FIP1L1: variants seen among roughly 807,000 people sequenced by gnomAD.
FIP1L1 encodes pre-mRNA 3'-end-processing factor FIP1.
A neutral mutation model predicts 84.6 loss-of-function variants in FIP1L1; 21 were observed. The ratio of observed to expected loss-of-function variants is 0.25; its 90% CI spans 0.18 to 0.36. FIP1L1 has a LOEUF of 0.36. Among genes scored for constraint, FIP1L1 ranks in the 10% least tolerant of loss-of-function variants. The pLI is 1.00. For synonymous variants in FIP1L1, 263 were observed against 242.3 expected, an observed-to-expected ratio of 1.09 and a Z score of -0.80; for missense variants, 526 against 751.1, an observed-to-expected ratio of 0.70 and a Z score of 3.50.
intron 10 of FIP1L1, among the ~76,000 whole-genome samples, chr4:53,412,259 C>T (rs751377053): frequency 1.3e-5 from 2 of 152,040 alleles, no homozygotes; most frequent in African/African-American, 2.4e-5. Context: ...TTCCTCAGAA[C>T]GAGGACATTC....
intron 10 of FIP1L1, among the ~76,000 whole-genome samples, chr4:53,405,563 A>T (rs1318646617): frequency 7.4e-5 from 11 of 148,880 alleles, no homozygotes; most frequent in African/African-American, 1.5e-4. Context: ...TGGTAGCTTG[A>T]TGGGGATGGC....
chr4:53,445,996 C>T (rs1406734804), intron 15 of FIP1L1, among the ~76,000 whole-genome samples: 4 of 151,974 alleles, frequency 2.6e-5, no homozygotes, highest in African/African-American at 7.3e-5. Context: ...GAATAGACTC[C>T]GAAGGATTTA....
rs899361798 is a variant in FIP1L1, at chr4:53,459,708, A to C, written c.*259A>C. 7.5e-5 allele frequency: 37 copies of C among 493,764 alleles called. No homozygotes were observed. The highest frequency in any genetic ancestry group is 5.8e-4 in the African/African-American group (30 of 51,700). 30.6% of individuals were successfully genotyped at this position (493,764 alleles called of 1,614,324 possible). On this transcript the variant is annotated 3_prime_UTR_variant, in exon 18 of 18. Transcript: ENST00000337488. ...ATGTGAATGAGTCACTTAACAGGGA[A>C]TCTAAAGAGCTGTGTTAGCTGTGTA...
At chr4:53,417,080 T>C (rs1759816482) in intron 11 of FIP1L1, among the ~76,000 whole-genome samples, 1 of 152,352 alleles carries the variant, frequency 6.6e-6, no homozygotes, top group South Asian at 2.1e-4. Flanking sequence ...TTAGAAGTTT[T>C]TATTTAAAAT....
At chr4:53,388,005 A>T (rs569078009) in intron 5 of FIP1L1, among the ~76,000 whole-genome samples, 1 of 152,368 alleles carries the variant, frequency 6.6e-6, no homozygotes, top group Non-Finnish European at 1.5e-5. Flanking sequence ...GTTGGTGACG[A>T]TAGTACTGCT....
Position 53,453,011 on chromosome 4 carries a change from A to G in FIP1L1, c.1377A>G (p.Lys459=). Residue 459 remains lysine, a synonymous_variant, in exon 16 of 18, where the codon AAA becomes AAG. Transcript: ENST00000337488. ...GGGACTATTATGCCAGAAGAGAGAAAGACCGAGATAGAGAGAGAGACAGAG... is the reference window on the plus strand; with the variant it reads ...GGGACTATTATGCCAGAAGAGAGAAGGACCGAGATAGAGAGAGAGACAGAG... ...KQWDYYARRE[K]DRDRERDRDR... is the part of the protein sequence containing the mutation. The G allele has an allele frequency of 6.2e-7, 1 of 1,613,818 alleles. No homozygotes were observed.
chr4:53,397,065 A>G (rs1350679778), intron 9 of FIP1L1, among the ~76,000 whole-genome samples: 7 of 152,232 alleles, frequency 4.6e-5, no homozygotes, highest in Non-Finnish European at 1.5e-5. Flanking sequence ...CGATGAAAGA[A>G]TGTTTATGTG....
At chr4:53,415,030 A>T (rs777508611) in intron 11 of FIP1L1, among the ~76,000 whole-genome samples, 15 of 151,726 alleles carry the variant, frequency 9.9e-5, no homozygotes, top group African/African-American at 2.4e-4. Flanking sequence ...CATCGCATTT[A>T]AAAAAAATTC....
At chr4:53,409,293 G>A (rs1333061612) in intron 10 of FIP1L1, among the ~76,000 whole-genome samples, 1 of 152,206 alleles carries the variant, frequency 6.6e-6, no homozygotes, top group African/African-American at 2.4e-5. Context: ...ACCAGCAGCG[G>A]TGGCTGCAGA....
intron 4 of FIP1L1, 117 bp downstream of exon 4, chr4:53,382,452 CCTTT>C (rs1362234772): frequency 1.4e-6 from 1 of 719,426 alleles, no homozygotes; most frequent in African/African-American, 1.8e-5. Flanking sequence ...GTTATCTGGC[CCTTT>C]CTTACATCTC....
intron 13 of FIP1L1, among the ~76,000 whole-genome samples, chr4:53,437,794 C>T (rs1460288965): frequency 2.6e-5 from 4 of 151,930 alleles, no homozygotes; most frequent in Non-Finnish European, 4.4e-5. Context: ...GGCGCGACCT[C>T]GGCTCACTGC....
chr4:53,403,803 G>A (rs935520876), intron 10 of FIP1L1, among the ~76,000 whole-genome samples: 2 of 152,134 alleles, frequency 1.3e-5, no homozygotes, highest in African/African-American at 4.8e-5. Flanking sequence ...GCAGTTTTTG[G>A]TGCATCTCAT....
chr4:53,455,656 TA>T (rs764939855), intron 16 of FIP1L1, among the ~76,000 whole-genome samples: 1 of 152,126 alleles, frequency 6.6e-6, no homozygotes, highest in Non-Finnish European at 1.5e-5. Context: ...TGTTCAGAGA[TA>T]TTATAACAAA....
At chr4:53,402,377 CAGG>C (rs139042283) in intron 10 of FIP1L1, among the ~76,000 whole-genome samples, 14,504 of 151,878 alleles carry the variant, frequency 0.095, 1,201 homozygotes, top group South Asian at 0.28. Flanking sequence ...AATGTGGGGT[CAGG>C]AGAAGTTTTT....
intron 15 of FIP1L1, among the ~76,000 whole-genome samples, chr4:53,450,450 C>G (rs185639101): frequency 6.6e-6 from 1 of 152,276 alleles, no homozygotes; most frequent in Non-Finnish European, 1.5e-5. Flanking sequence ...TTCATATGTG[C>G]TTGAGAAGAA....
intron 13 of FIP1L1, among the ~76,000 whole-genome samples, chr4:53,434,929 A>G (rs1247027466): frequency 2.0e-5 from 3 of 152,180 alleles, no homozygotes; most frequent in Non-Finnish European, 4.4e-5. Flanking sequence ...GTACACTTTT[A>G]TCCCTTTAAT....
chr4:53,437,643 C>A (rs1769990900), intron 13 of FIP1L1, among the ~76,000 whole-genome samples: 1 of 151,928 alleles, frequency 6.6e-6, no homozygotes. Flanking sequence ...AAGGGCCCAG[C>A]AATCTGTGTG....
chr4:53,447,870 CTG>C (rs1202989660), intron 15 of FIP1L1, among the ~76,000 whole-genome samples: 1 of 151,894 alleles, frequency 6.6e-6, no homozygotes, highest in Non-Finnish European at 1.5e-5. Flanking sequence ...GAAGTTTTGA[CTG>C]TATTTTGACT....
In FIP1L1 at chr4:53,399,775, C is replaced by T. The variant is rs1578316364; in HGVS notation, c.751C>T (p.Pro251Ser). 1 of 1,613,704 alleles carries T rather than the reference C, an allele frequency of 6.2e-7. No homozygotes were observed. The highest frequency in any genetic ancestry group is 8.5e-7 in the Non-Finnish European group (1 of 1,179,800). Residue 251 changes from proline (P) to serine (S), a missense_variant, in exon 10 of 18, where the codon CCA (proline) becomes TCA (serine). By Grantham distance (74) the Pro-to-Ser change is moderately conservative (BLOSUM62 -1). Around this residue, in one of 6 missense-constraint regions of FIP1L1, gnomAD observed 169 missense variants for 206.9 expected, o/e 0.82. Coordinates refer to ENST00000337488, the MANE Select transcript of FIP1L1 (RefSeq NM_030917.4). ...AAACTCAGAGAAAGAAACTGCCCTT[C>T]CATCTACAAAAGCTGAGTTTACTTC... The part of the protein sequence containing the change: ...TGNSEKETAL[P>S]STKAEFTSPP...
Sources: allele counts gnomAD v4.1 joint callset (sites outside exome capture counted in the v4.1 genomes callset), GRCh38; gene constraint gnomAD v4.1.1; regional missense constraint gnomAD v4.1.1; transcripts MANE v1.5; gene names NCBI Gene and HGNC (gene_info 2026-07-23, HGNC 2026-07-21).